The following CTBP2 variants were observed in gnomAD, a reference collection of about 807,000 sequenced individuals.
CTBP2 encodes the protein C-terminal binding protein 2, also known as C-terminal-binding protein 2.
In CTBP2, 30 loss-of-function variants were observed where a neutral mutation model predicts 80.3. The observed-to-expected ratio is 0.37, with a 90% CI of 0.28 to 0.51. The LOEUF (loss-of-function observed/expected upper bound fraction) is 0.51, where lower values mean the gene tolerates loss of function less well. Ranked by LOEUF, CTBP2 falls within the 20% of genes least tolerant of loss-of-function variation. The pLI is 0.93. For missense variants in CTBP2, 1,212 were observed against 1,375.3 expected, an observed-to-expected ratio of 0.88 and a Z score of 1.88; for synonymous variants, 594 against 587.4, an observed-to-expected ratio of 1.01 and a Z score of -0.16.
At chr10:125,084,901 C>T (rs908628167) in intron 2 of CTBP2, among the ~76,000 whole-genome samples, 2 of 152,222 alleles carry the variant, frequency 1.3e-5, no homozygotes, top group Non-Finnish European at 2.9e-5. Context: ...TGACACACAG[C>T]CATGAGTTCC....
At position 125,081,470 on chromosome 10, in the gene CTBP2, T is replaced by C. The variant is rs60867159; in HGVS notation, c.-102+29520A>G. 3.0e-3 allele frequency among the ~76,000 whole-genome samples: 452 copies of C among 152,344 alleles called. 3 individuals are homozygous for C. The highest frequency in any genetic ancestry group is 0.01 in the African/African-American group (422 of 41,586). On this transcript the variant is annotated intron_variant, in intron 2 of 10. Coordinates refer to the CTBP2 transcript ENST00000337195. ...TTAACTCCTCCATCCCTAAATACTTTAGCCTTATATATTTGCAAATATCTC... is the reference window on the plus strand; with the variant it reads ...TTAACTCCTCCATCCCTAAATACTTCAGCCTTATATATTTGCAAATATCTC...
At chr10:125,104,384 ATTAATT>A (rs1408049942) in intron 2 of CTBP2, among the ~76,000 whole-genome samples, 1 of 152,176 alleles carries the variant, frequency 6.6e-6, no homozygotes, top group Non-Finnish European at 1.5e-5. Context: ...GCCATATATA[ATTAATT>A]TTAACAGCTT....
intron 8 of CTBP2, among the ~76,000 whole-genome samples, chr10:124,992,103 C>T (rs1387667524): frequency 6.6e-6 from 1 of 151,934 alleles, no homozygotes; most frequent in African/African-American, 2.4e-5. Flanking sequence ...GTTGACTGTA[C>T]CAGAATGCCT....
At chr10:124,992,647 G>C (rs761680341) in intron 8 of CTBP2, 48 bp downstream of exon 10, 3 of 784,394 alleles carry the variant, frequency 3.8e-6, no homozygotes, top group Non-Finnish European at 3.4e-6. Context: ...CCCTGGCCCC[G>C]GGGCCGTGGT....
At chr10:125,061,347 C>G (rs1402691716) in intron 2 of CTBP2, among the ~76,000 whole-genome samples, 3 of 152,192 alleles carry the variant, frequency 2.0e-5, no homozygotes, top group African/African-American at 7.2e-5. Flanking sequence ...CGCTGGGCAT[C>G]CGGGGCGACA....
Position 125,026,145 on chromosome 10 carries a change from G to C in CTBP2, c.1615C>G (p.Gln539Glu), listed in dbSNP as rs2946994. Residue 539 changes from glutamine (Q) to glutamate (E), a missense_variant, in exon 1 of 9, where the codon CAG (glutamine) becomes GAG (glutamate). Coordinates refer to ENST00000309035, the MANE Select transcript of CTBP2 (RefSeq NM_022802.3). ...GCCCCTGTGCGCCGGGCCACCTTCT[G>C]GTACGGTGAGTGAGGCGTGTGGAGG... 0.48 allele frequency: 775,035 copies of C among 1,605,108 alleles called. 189,647 individuals carry two copies. The highest frequency in any genetic ancestry group is 0.59 in the East Asian group (26,329 of 44,600).
In CTBP2 at chr10:124,984,576, A is replaced by G; in HGVS notation, c.*4942T>C. On this transcript the variant is annotated 3_prime_UTR_variant, in exon 9 of 9. Coordinates refer to ENST00000309035, the MANE Select transcript of CTBP2 (RefSeq NM_022802.3). ...TTAGTTTTTTTCTGAGAAATTTCCC[A>G]TTTATGTCTTTTTAAATTTAACCAG... is the stretch of plus-strand genomic sequence containing the variant. 1 of 547,084 alleles carries G rather than the reference A, an allele frequency of 1.8e-6. No homozygotes were observed. The highest frequency in any genetic ancestry group is 3.2e-6 in the Non-Finnish European group (1 of 314,838). 33.9% of individuals were successfully genotyped at this position (547,084 alleles called of 1,614,324 possible).
chr10:125,054,740 G>A (rs1449498635), intron 2 of CTBP2, among the ~76,000 whole-genome samples: 3 of 152,190 alleles, frequency 2.0e-5, no homozygotes, highest in Admixed American at 1.3e-4. Flanking sequence ...TAATACATTT[G>A]TAATGCATGG....
intron 3 of CTBP2, among the ~76,000 whole-genome samples, chr10:125,034,640 T>C (rs926788888): frequency 6.6e-6 from 1 of 152,202 alleles, no homozygotes; most frequent in Non-Finnish European, 1.5e-5. Flanking sequence ...GGACTACCTA[T>C]AGGCAGGCTT....
intron 1 of CTBP2, among the ~76,000 whole-genome samples, chr10:125,159,429 GCCGC>G (rs1010383388): frequency 6.6e-4 from 95 of 143,360 alleles, no homozygotes; most frequent in African/African-American, 2.3e-3. Context: ...GCCCGCGCCC[GCCGC>G]CCGGCCCGCC....
chr10:125,083,928 C>T (rs374698662), intron 2 of CTBP2, among the ~76,000 whole-genome samples: 10 of 152,200 alleles, frequency 6.6e-5, no homozygotes, highest in African/African-American at 1.4e-4. Context: ...TAGAGGCATG[C>T]GCCACCACGC....
At position 125,026,642 on chromosome 10, in the gene CTBP2, C is replaced by T; in HGVS notation, c.1118G>A (p.Ser373Asn). The change falls in exon 1 of 9, where the codon AGC becomes AAC. Residue 373 changes from serine (S) to asparagine (N), a missense_variant. Around this residue, in one of 3 missense-constraint regions of CTBP2, gnomAD observed 848 missense variants for 782.3 expected, o/e 1.08. Coordinates refer to ENST00000309035, the MANE Select transcript of CTBP2 (RefSeq NM_022802.3). ...ACCATGGAGCAGTTCGCTTCGGTGG[C>T]TGAAGCTGCTGGACCGCGCCCGGGG... The T allele has an allele frequency of 6.3e-7, 1 of 1,584,252 alleles. No homozygotes were observed.
At chr10:125,143,854 G>A (rs1469395907) in intron 1 of CTBP2, among the ~76,000 whole-genome samples, 1 of 152,150 alleles carries the variant, frequency 6.6e-6, no homozygotes, top group Non-Finnish European at 1.5e-5. Context: ...GAAACTGCCA[G>A]GGCCCCAAAG....
rs186393027 is a variant in CTBP2, at chr10:125,132,463, G to T, written c.-205-21370C>A. On this transcript the variant is annotated intron_variant, in intron 1 of 10. Coordinates refer to the CTBP2 transcript ENST00000337195. ...GGCCATTTCACAGATGAAGGCCTGG[G>T]GTTCCCACAGTTGGGGGACTTGGCA... Among the ~76,000 whole-genome samples the T allele has an allele frequency of 2.9e-3, 440 of 152,304 alleles. 1 individual carries two copies. The highest frequency in any genetic ancestry group is 5.2e-3 in the Admixed American group (79 of 15,298).
chr10:125,077,826 G>A (rs1374062703), intron 2 of CTBP2, among the ~76,000 whole-genome samples: 1 of 152,116 alleles, frequency 6.6e-6, no homozygotes, highest in Non-Finnish European at 1.5e-5. Flanking sequence ...AGTCCAAACG[G>A]GGCCACCATT....
chr10:125,032,508 T>C (rs1447425341), upstream of CTBP2, among the ~76,000 whole-genome samples: 1 of 152,176 alleles, frequency 6.6e-6, no homozygotes, highest in African/African-American at 2.4e-5. Context: ...TCTGTCACTT[T>C]GTCCTTAGTC....
intron 2 of CTBP2, among the ~76,000 whole-genome samples, chr10:125,054,911 G>A (rs541273978): frequency 1.3e-5 from 2 of 152,282 alleles, no homozygotes; most frequent in South Asian, 4.1e-4. Context: ...ATGCGTACAA[G>A]CTGAAGGAAC....
intron 2 of CTBP2, among the ~76,000 whole-genome samples, chr10:125,090,371 T>C (rs1387357888): frequency 1.3e-5 from 2 of 149,034 alleles, no homozygotes; most frequent in African/African-American, 5.0e-5. Flanking sequence ...TAACTGAATA[T>C]GTATCATAAA....
chr10:125,139,917 C>T (rs973515909), intron 1 of CTBP2, among the ~76,000 whole-genome samples: 2 of 152,116 alleles, frequency 1.3e-5, no homozygotes, highest in Admixed American at 1.3e-4. Flanking sequence ...AAGAACTTTG[C>T]TCTCACCATC....
Sources: gnomAD v4.1 joint callset for allele counts (sites outside exome capture counted in the v4.1 genomes callset) on GRCh38, gnomAD v4.1.1 for gene constraint, gnomAD v4.1.1 regional missense constraint, MANE v1.5 for transcripts, NCBI Gene and HGNC (gene_info 2026-07-23, HGNC 2026-07-21) for gene names.